Variants in TACR1 observed in about 807,000 individuals in gnomAD.
The protein encoded by TACR1 is substance-P receptor.
Under a neutral mutation model 35.8 loss-of-function variants are expected in TACR1, and 25 were observed. That is an observed-to-expected ratio of 0.70 (90% CI 0.51 to 0.98). The LOEUF is 0.98. Among genes scored for constraint, TACR1 ranks in the 50% least tolerant of loss-of-function variants. The pLI is 0.00. For missense variants in TACR1, 478 were observed against 522.9 expected, an observed-to-expected ratio of 0.91 and a Z score of 0.84; for synonymous variants, 195 against 206.7, an observed-to-expected ratio of 0.94 and a Z score of 0.48.
chr2:75,067,960 G>A (rs185889693), intron 2 of TACR1, among the ~76,000 whole-genome samples: 72 of 152,284 alleles, frequency 4.7e-4, no homozygotes, highest in African/African-American at 1.5e-3. Flanking sequence ...GCTTTGATTT[G>A]GTTAGACATG....
At chr2:75,064,633 C>G (rs1464259573) in intron 2 of TACR1, among the ~76,000 whole-genome samples, 1 of 152,228 alleles carries the variant, frequency 6.6e-6, no homozygotes, top group African/African-American at 2.4e-5. Flanking sequence ...CAAAAGGACA[C>G]AGCCAGCAAG....
intron 1 of TACR1, among the ~76,000 whole-genome samples, chr2:75,198,013 C>A (rs1676035261): frequency 1.3e-5 from 2 of 152,082 alleles, no homozygotes; most frequent in African/African-American, 4.8e-5. Context: ...ACCAACCAAC[C>A]AAACAACAAC....
chr2:75,047,760 A>G lies in TACR1; in HGVS notation c.*1672T>C, dbSNP rs1672391536. On this transcript the variant is annotated 3_prime_UTR_variant, in exon 5 of 5. Coordinates refer to ENST00000305249, the MANE Select transcript of TACR1 (RefSeq NM_001058.4). ...TAGTTCTTGAGGTTTTCTGGCTTAT[A>G]CTGTTTCTTCTTCCCCCAGGCCTGT... 1 of 152,218 alleles carries G rather than the reference A, an allele frequency of 6.6e-6. No individual in the cohort carries two copies. Among genetic ancestry groups the G allele is most frequent in the African/African-American group, 2.4e-5 (1 of 41,454 alleles). 9.4% of individuals were successfully genotyped at this position (152,218 alleles called of 1,614,324 possible). A position where few individuals can be genotyped will look rare whatever the true frequency, so the allele number is the denominator to read the frequency against.
chr2:75,123,681 C>T (rs1674016500), intron 1 of TACR1, among the ~76,000 whole-genome samples: 1 of 152,026 alleles, frequency 6.6e-6, no homozygotes, highest in Non-Finnish European at 1.5e-5. Flanking sequence ...GTTTATAAAT[C>T]TCCCTCCCTC....
At position 75,182,594 on chromosome 2, in the gene TACR1, C is replaced by T. The variant is rs148811628; in HGVS notation, c.389+15952G>A. Among the ~76,000 whole-genome samples, 267 of 152,246 alleles carry T rather than the reference C, an allele frequency of 1.8e-3. 2 individuals carry two copies. Among genetic ancestry groups the T allele is most frequent in the African/African-American group, 5.8e-3 (241 of 41,538 alleles). ...AAAGATTGTTATTGCCTAGTGATGT[C>T]GTAGCACAACACATTACCTTTTCTA... On this transcript the variant is annotated intron_variant, in intron 1 of 4. Transcript: ENST00000305249.
intron 1 of TACR1, among the ~76,000 whole-genome samples, chr2:75,129,005 C>G (rs1674131025): frequency 1.3e-5 from 2 of 152,250 alleles, no homozygotes; most frequent in African/African-American, 4.8e-5. Flanking sequence ...TGTGTGCTGA[C>G]ACACGGGAGA....
intron 2 of TACR1, among the ~76,000 whole-genome samples, chr2:75,107,426 T>C (rs1175111618): frequency 2.0e-5 from 3 of 152,014 alleles, no homozygotes; most frequent in Non-Finnish European, 2.9e-5. Flanking sequence ...AAGAGCATTC[T>C]AATAAGTCCC....
rs76738728 is a variant in TACR1 at position 75,146,128 on chromosome 2, T to C, written c.390-25360A>G. On this transcript the variant is annotated intron_variant, in intron 1 of 4. Coordinates refer to ENST00000305249, the MANE Select transcript of TACR1 (RefSeq NM_001058.4). ...GAGAGAAGAACCTTTTTAAAATTTT[T>C]TTTCTATTTTTTCAGATGGTGTCTC... Among the ~76,000 whole-genome samples, 153 of 152,124 alleles carry C rather than the reference T, an allele frequency of 1.0e-3. 1 individual carries two copies. In the East Asian group the frequency reaches 0.023, roughly 23 times the overall value.
intron 1 of TACR1, among the ~76,000 whole-genome samples, chr2:75,158,176 A>C (rs144371191): frequency 6.6e-6 from 1 of 152,346 alleles, no homozygotes; most frequent in African/African-American, 2.4e-5. Context: ...GATCTGATTC[A>C]CTTCGGGTAA....
At chr2:75,092,095 C>T (rs1432287125) in intron 2 of TACR1, among the ~76,000 whole-genome samples, 1 of 152,186 alleles carries the variant, frequency 6.6e-6, no homozygotes, top group Non-Finnish European at 1.5e-5. Flanking sequence ...CTATTTAGTT[C>T]TCTCAAAAGC....
chr2:75,084,278 C>T (rs1353809596), intron 2 of TACR1, among the ~76,000 whole-genome samples: 1 of 152,130 alleles, frequency 6.6e-6, no homozygotes, highest in Non-Finnish European at 1.5e-5. Context: ...GGATGAAGCC[C>T]ACTTGATCGT....
intron 1 of TACR1, among the ~76,000 whole-genome samples, chr2:75,131,741 A>G (rs1444196909): frequency 3.9e-5 from 6 of 152,216 alleles, no homozygotes; most frequent in Admixed American, 3.3e-4. Flanking sequence ...GTGTTTTTGT[A>G]TGATGAATAC....
intron 2 of TACR1, among the ~76,000 whole-genome samples, chr2:75,079,848 T>A (rs1417002402): frequency 6.6e-6 from 1 of 151,814 alleles, no homozygotes; most frequent in Non-Finnish European, 1.5e-5. Flanking sequence ...TCTGGAGTAT[T>A]GATCCCATGT....
In TACR1 at chr2:75,143,183, G is replaced by A. The variant is rs1030989761; in HGVS notation, c.390-22415C>T. On this transcript the variant is annotated intron_variant, in intron 1 of 4. Transcript: ENST00000305249. ...TTGGGCTATAGTCTGAGGTGCAAGCGAGGACAGGGTTAGAGAAAAGGTAGA... is the reference window on the plus strand; with the variant it reads ...TTGGGCTATAGTCTGAGGTGCAAGCAAGGACAGGGTTAGAGAAAAGGTAGA... 5.3e-5 allele frequency among the ~76,000 whole-genome samples: 8 copies of A among 152,302 alleles called. 1 individual carries two copies. The South Asian group carries it at 1.2e-3, about 24-fold the overall frequency.
chr2:75,126,402 A>G (rs1415263554), intron 1 of TACR1, among the ~76,000 whole-genome samples: 1 of 152,138 alleles, frequency 6.6e-6, no homozygotes, highest in African/African-American at 2.4e-5. Context: ...ATATGCATGC[A>G]TGTATCCTTA....
intron 1 of TACR1, among the ~76,000 whole-genome samples, chr2:75,144,665 A>G (rs1017737853): frequency 3.9e-5 from 6 of 152,238 alleles, no homozygotes; most frequent in African/African-American, 1.4e-4. Flanking sequence ...CATATTATCA[A>G]TGAGACTTGA....
intron 1 of TACR1, among the ~76,000 whole-genome samples, chr2:75,140,874 C>T (rs751879174): frequency 2.0e-4 from 31 of 152,162 alleles, no homozygotes; most frequent in Non-Finnish European, 4.6e-4. Context: ...CTCAAACTCC[C>T]AGTTTAACAG....
At chr2:75,165,140 C>T (rs1262546509) in intron 1 of TACR1, among the ~76,000 whole-genome samples, 2 of 152,102 alleles carry the variant, frequency 1.3e-5, no homozygotes, top group African/African-American at 4.8e-5. Flanking sequence ...ATTCCTATAA[C>T]GAAAACCACT....
chr2:75,110,673 T>C (rs899717220), intron 2 of TACR1, among the ~76,000 whole-genome samples: 5 of 152,022 alleles, frequency 3.3e-5, no homozygotes, highest in Non-Finnish European at 7.4e-5. Flanking sequence ...ATTTTCACAT[T>C]AATGTGCTTG....
Sources: gnomAD v4.1 joint callset for allele counts (sites outside exome capture counted in the v4.1 genomes callset) on GRCh38, gnomAD v4.1.1 for gene constraint, MANE v1.5 for transcripts, NCBI Gene and HGNC (gene_info 2026-07-23, HGNC 2026-07-21) for gene names.